AGBL4: variants seen among roughly 807,000 people sequenced by gnomAD.
AGBL4 encodes the protein cytosolic carboxypeptidase 6.
In AGBL4, 58 loss-of-function variants were observed where a neutral mutation model predicts 66.4. The observed-to-expected ratio is 0.87, with a 90% CI of 0.71 to 1.09. The LOEUF (loss-of-function observed/expected upper bound fraction) is 1.09, where lower values mean the gene tolerates loss of function less well. Among genes scored for constraint, AGBL4 ranks in the 50% least tolerant of loss-of-function variants. The pLI, the probability that AGBL4 is intolerant of heterozygous loss-of-function variation, is 0.00. For missense variants in AGBL4, 579 were observed against 631.0 expected (o/e 0.92, Z 0.88); for synonymous variants, 234 against 222.9 (o/e 1.05, Z -0.44).
intron 3 of AGBL4, among the ~76,000 whole-genome samples, chr1:49,310,942 G>A (rs1008778392): frequency 3.0e-4 from 45 of 151,952 alleles, no homozygotes; most frequent in Non-Finnish European, 2.9e-4. Flanking sequence ...GGGGAGTTGG[G>A]ATTTAAACCA....
intron 3 of AGBL4, among the ~76,000 whole-genome samples, chr1:49,493,048 A>G (rs1189724694): frequency 1.3e-5 from 2 of 151,900 alleles, no homozygotes; most frequent in Non-Finnish European, 2.9e-5. Flanking sequence ...ATCCGATCTC[A>G]TGAGAACTCA....
intron 1 of AGBL4, among the ~76,000 whole-genome samples, chr1:49,896,652 CACAA>C (rs1293810525): frequency 1.6e-5 from 2 of 125,834 alleles, no homozygotes; most frequent in African/African-American, 6.2e-5. Flanking sequence ...CACACACACA[CACAA>C]CTAAATGCTA....
At chr1:50,023,344 C>T (rs1266356211) in intron 1 of AGBL4, among the ~76,000 whole-genome samples, 1 of 152,146 alleles carries the variant, frequency 6.6e-6, no homozygotes, top group Non-Finnish European at 1.5e-5. Context: ...GAGTCAGAGC[C>T]TCCTACTCCC....
intron 4 of AGBL4, among the ~76,000 whole-genome samples, chr1:49,233,381 G>T (rs1650475785): frequency 6.6e-6 from 1 of 152,166 alleles, no homozygotes; most frequent in Admixed American, 6.5e-5. Flanking sequence ...AGGCCCAAAA[G>T]AAATAGACTA....
intron 4 of AGBL4, among the ~76,000 whole-genome samples, chr1:49,229,138 A>G (rs986327693): frequency 1.3e-5 from 2 of 152,138 alleles, no homozygotes; most frequent in African/African-American, 4.8e-5. Context: ...TCAAAGGCCA[A>G]TTTCTCAGAT....
intron 4 of AGBL4, among the ~76,000 whole-genome samples, chr1:49,194,218 G>C (rs978960827): frequency 2.0e-5 from 3 of 151,980 alleles, no homozygotes; most frequent in Admixed American, 6.6e-5. Context: ...TATATACTTA[G>C]GGTTGTTATA....
intron 6 of AGBL4, among the ~76,000 whole-genome samples, chr1:48,819,143 C>A (rs74076502): frequency 0.019 from 2,932 of 152,092 alleles, 103 homozygotes; most frequent in African/African-American, 0.067. Context: ...TGAAGGCTTC[C>A]TAGAGATGAC....
At chr1:49,833,116 T>C (rs1364873308) in intron 2 of AGBL4, among the ~76,000 whole-genome samples, 1 of 152,218 alleles carries the variant, frequency 6.6e-6, no homozygotes, top group Non-Finnish European at 1.5e-5. Flanking sequence ...CTAGGGTTTT[T>C]ATGGTTTTAG....
intron 3 of AGBL4, among the ~76,000 whole-genome samples, chr1:49,588,454 G>A (rs1644692082): frequency 6.6e-6 from 1 of 152,114 alleles, no homozygotes; most frequent in Non-Finnish European, 1.5e-5. Context: ...CAACATACCA[G>A]TGGTTATGAA....
intron 1 of AGBL4, among the ~76,000 whole-genome samples, chr1:49,859,748 A>T (rs755057337): frequency 8.4e-4 from 128 of 152,214 alleles, no homozygotes; most frequent in Middle Eastern, 6.9e-3. Flanking sequence ...ACATCATCCT[A>T]AAGTTTCTAA....
intron 3 of AGBL4, among the ~76,000 whole-genome samples, chr1:49,590,594 G>A (rs547984799): frequency 2.2e-4 from 34 of 151,876 alleles, no homozygotes; most frequent in East Asian, 1.9e-4. Flanking sequence ...AAAGTTTTAC[G>A]TAAGAGAGCG....
intron 5 of AGBL4, among the ~76,000 whole-genome samples, chr1:48,907,720 G>A (rs1652744733): frequency 6.6e-6 from 1 of 152,110 alleles, no homozygotes; most frequent in Non-Finnish European, 1.5e-5. Flanking sequence ...TAATATAGGT[G>A]CTAAGATATA....
intron 4 of AGBL4, among the ~76,000 whole-genome samples, chr1:49,116,659 T>A (rs1252154418): frequency 6.6e-6 from 1 of 152,226 alleles, no homozygotes; most frequent in Non-Finnish European, 1.5e-5. Flanking sequence ...TTAGCTATTG[T>A]GAATAGTGCC....
intron 4 of AGBL4, among the ~76,000 whole-genome samples, chr1:49,147,211 G>A (rs1226660441): frequency 6.6e-6 from 1 of 152,098 alleles, no homozygotes; most frequent in African/African-American, 2.4e-5. Flanking sequence ...TCTGGGGTAG[G>A]ACACAATTGC....
At chr1:49,713,516 T>A (rs903392636) in intron 2 of AGBL4, among the ~76,000 whole-genome samples, 11 of 152,022 alleles carry the variant, frequency 7.2e-5, no homozygotes, top group Non-Finnish European at 1.3e-4. Flanking sequence ...TACATACTAA[T>A]AGTAGCTGTA....
At chr1:49,378,305 A>G (rs1644514648) in intron 3 of AGBL4, among the ~76,000 whole-genome samples, 1 of 152,116 alleles carries the variant, frequency 6.6e-6, no homozygotes, top group African/African-American at 2.4e-5. Flanking sequence ...GCCTGGCCAC[A>G]TATTTTCTTT....
chr1:48,601,776 C>T (rs1645077051), intron 9 of AGBL4, among the ~76,000 whole-genome samples: 1 of 152,102 alleles, frequency 6.6e-6, no homozygotes, highest in Admixed American at 6.6e-5. Flanking sequence ...GGGATTCGAG[C>T]TTACATCTCA....
chr1:49,130,600 G>A (rs1012855402), intron 4 of AGBL4, among the ~76,000 whole-genome samples: 6 of 151,964 alleles, frequency 3.9e-5, no homozygotes, highest in Non-Finnish European at 7.4e-5. Context: ...TTTTTCTCAG[G>A]TTTGTCAAAG....
chr1:49,359,033 G>T (rs1401368516), intron 3 of AGBL4, among the ~76,000 whole-genome samples: 1 of 152,200 alleles, frequency 6.6e-6, no homozygotes, highest in African/African-American at 2.4e-5. Context: ...ATTTCAGCAG[G>T]CCTGCAGTGA....
Sources: allele counts gnomAD v4.1 joint callset (sites outside exome capture counted in the v4.1 genomes callset), GRCh38; gene constraint gnomAD v4.1.1; transcripts MANE v1.5; gene names NCBI Gene and HGNC (gene_info 2026-07-23, HGNC 2026-07-21).